TAS2R1: variants seen among roughly 807,000 people sequenced by gnomAD.
TAS2R1 encodes taste 2 receptor member 1.
For missense variants in TAS2R1, 370 were observed against 353.4 expected (o/e 1.05, Z -0.38); for synonymous variants, 141 against 134.2 (o/e 1.05, Z -0.35).
intron 1 of TAS2R1, chr5:9,712,038 GGGA>G (rs1734691702): frequency 1.4e-5 from 1 of 71,354 alleles, no homozygotes; most frequent in African/African-American, 5.7e-5. Flanking sequence ...AAGGGAGGGA[GGGA>G]GGGAGGGAGG....
intron 2 of TAS2R1, among the ~76,000 whole-genome samples, chr5:9,637,391 G>A (rs1010824118): frequency 6.6e-5 from 10 of 152,218 alleles, no homozygotes; most frequent in African/African-American, 2.2e-4. Flanking sequence ...TAGATAACTT[G>A]GTGACTATGT....
At chr5:9,811,516 G>A in the TAS2R1 span, among the ~76,000 whole-genome samples, 2 of 152,146 alleles carry the variant, frequency 1.3e-5, no homozygotes, top group South Asian at 4.1e-4. Flanking sequence ...TTGTTCCTGA[G>A]CCTCGTCTTA....
upstream of TAS2R1, chr5:9,713,281 C>T (rs1327174074): frequency 6.6e-6 from 1 of 152,096 alleles, no homozygotes; most frequent in African/African-American, 2.4e-5. Flanking sequence ...GGAGGACAAA[C>T]ATAATAATCT....
At chr5:9,868,193 G>A in the TAS2R1 span, among the ~76,000 whole-genome samples, 3 of 152,252 alleles carry the variant, frequency 2.0e-5, no homozygotes, top group African/African-American at 4.8e-5. Flanking sequence ...CCACTAGGCA[G>A]TGCTCCAGTG....
chr5:9,891,581 C>T, the TAS2R1 span, among the ~76,000 whole-genome samples: 1 of 152,062 alleles, frequency 6.6e-6, no homozygotes, highest in Non-Finnish European at 1.5e-5. Flanking sequence ...TCTGCTAAGC[C>T]TGCTTGCCCA....
chr5:9,824,537 G>A, the TAS2R1 span, among the ~76,000 whole-genome samples: 1 of 152,126 alleles, frequency 6.6e-6, no homozygotes, highest in African/African-American at 2.4e-5. Context: ...TTACATCACA[G>A]GGATGGGTAA....
intron 1 of TAS2R1, among the ~76,000 whole-genome samples, chr5:9,662,344 C>T (rs986603837): frequency 6.6e-6 from 1 of 152,212 alleles, no homozygotes; most frequent in African/African-American, 2.4e-5. Flanking sequence ...ACTGGGGGCT[C>T]TGCTGCCCAT....
chr5:9,728,409 T>C, the TAS2R1 span, among the ~76,000 whole-genome samples: 1 of 152,208 alleles, frequency 6.6e-6, no homozygotes, highest in African/African-American at 2.4e-5. Context: ...CGACCTGAAA[T>C]TCAAGTGCTT....
At chr5:9,825,066 G>A in the TAS2R1 span, among the ~76,000 whole-genome samples, 37 of 152,208 alleles carry the variant, frequency 2.4e-4, no homozygotes, top group African/African-American at 8.7e-4. Context: ...CTAATCTCCA[G>A]CCTAATGGTT....
the TAS2R1 span, among the ~76,000 whole-genome samples, chr5:9,728,470 T>C: frequency 2.6e-5 from 4 of 152,242 alleles, no homozygotes; most frequent in Non-Finnish European, 4.4e-5. Flanking sequence ...CGCCACCATG[T>C]AACTTGTGTT....
At chr5:9,830,068 G>A in the TAS2R1 span, among the ~76,000 whole-genome samples, 2 of 152,218 alleles carry the variant, frequency 1.3e-5, no homozygotes, top group Non-Finnish European at 2.9e-5. Flanking sequence ...GAGGCCACAA[G>A]CATTTTTGCA....
chr5:9,753,293 TG>T, the TAS2R1 span, among the ~76,000 whole-genome samples: 2 of 152,380 alleles, frequency 1.3e-5, no homozygotes, highest in East Asian at 3.9e-4. Context: ...ATTTCTCTGA[TG>T]GCCAGTGATG....
the TAS2R1 span, among the ~76,000 whole-genome samples, chr5:9,739,097 C>T: frequency 2.0e-5 from 3 of 152,194 alleles, no homozygotes; most frequent in Non-Finnish European, 4.4e-5. Flanking sequence ...CCTTTAACTG[C>T]TTTATTAATG....
At chr5:9,730,631 T>C in the TAS2R1 span, among the ~76,000 whole-genome samples, 1 of 152,084 alleles carries the variant, frequency 6.6e-6, no homozygotes, top group Non-Finnish European at 1.5e-5. Context: ...TGCTTCTGCA[T>C]TTCCAAGAGG....
chr5:9,681,119 T>C (rs77106585), intron 1 of TAS2R1, among the ~76,000 whole-genome samples: 6,798 of 151,972 alleles, frequency 0.045, 193 homozygotes, highest in African/African-American at 0.08. Flanking sequence ...AAATCTAACA[T>C]GGTATCCTGA....
intron 2 of TAS2R1, among the ~76,000 whole-genome samples, chr5:9,639,945 C>G (rs570725786): frequency 6.6e-6 from 1 of 152,128 alleles, no homozygotes; most frequent in Admixed American, 6.5e-5. Context: ...ATTTTATTTT[C>G]TTACACTTGA....
At chr5:9,833,718 T>C in the TAS2R1 span, among the ~76,000 whole-genome samples, 1 of 152,142 alleles carries the variant, frequency 6.6e-6, no homozygotes, top group Non-Finnish European at 1.5e-5. Flanking sequence ...GTGAAACATA[T>C]GAATATAATA....
chr5:9,862,130 C>A, the TAS2R1 span, among the ~76,000 whole-genome samples: 1 of 151,946 alleles, frequency 6.6e-6, no homozygotes, highest in Non-Finnish European at 1.5e-5. Flanking sequence ...GAGGGACTGG[C>A]AAATCCATTA....
At chr5:9,863,389 A>C in the TAS2R1 span, among the ~76,000 whole-genome samples, 1 of 150,318 alleles carries the variant, frequency 6.7e-6, no homozygotes, top group Admixed American at 6.7e-5. Flanking sequence ...CTCCTGCCTC[A>C]GCCTACCGAG....
Sources: gnomAD v4.1 joint callset for allele counts (sites outside exome capture counted in the v4.1 genomes callset) on GRCh38, gnomAD v4.1.1 for gene constraint, MANE v1.5 for transcripts, NCBI Gene and HGNC (gene_info 2026-07-23, HGNC 2026-07-21) for gene names.